ANK3: variants seen among roughly 807,000 people sequenced by gnomAD.
ANK3 encodes the protein ankyrin 3.
A neutral mutation model predicts 370.9 loss-of-function variants in ANK3; 57 were observed. The ratio of observed to expected loss-of-function variants is 0.15; its 90% confidence interval spans 0.12 to 0.19. The LOEUF (loss-of-function observed/expected upper bound fraction) is 0.19, where lower values mean the gene tolerates loss of function less well. ANK3 is among the 10% of genes least tolerant of loss of function. The pLI, the probability that ANK3 is intolerant of heterozygous loss-of-function variation, is 1.00. For missense variants in ANK3, 4,439 were observed against 5,302.1 expected, an observed-to-expected ratio of 0.84 and a Z score of 5.06; for synonymous variants, 1,929 against 1,946.3, an observed-to-expected ratio of 0.99 and a Z score of 0.23.
rs1379194288 is a variant in ANK3, at chr10:60,614,609, AG to A, written c.96+576del. 2.0e-5 allele frequency among the ~76,000 whole-genome samples: 3 copies of A among 152,208 alleles called. No homozygotes were observed. In the East Asian group the frequency reaches 5.8e-4, roughly 29 times the overall value. ...TTGAAGCATTTACACGTCACTATATAGGGGAAAGGTAGCCTGCATAGCCCAC... is the reference window on the plus strand; with the variant it reads ...TTGAAGCATTTACACGTCACTATATAGGGAAAGGTAGCCTGCATAGCCCAC... On this transcript the variant is annotated intron_variant, in intron 2 of 43. Coordinates refer to the ANK3 transcript ENST00000373827.
At chr10:60,183,065 T>G (rs1370028004) in intron 17 of ANK3, among the ~76,000 whole-genome samples, 1 of 152,234 alleles carries the variant, frequency 6.6e-6, no homozygotes, top group Non-Finnish European at 1.5e-5. Flanking sequence ...GGGCACATGT[T>G]GTCCCCTCAT....
intron 6 of ANK3, among the ~76,000 whole-genome samples, chr10:60,262,381 G>A (rs764323976): frequency 5.9e-5 from 9 of 152,160 alleles, no homozygotes; most frequent in Non-Finnish European, 1.2e-4. Context: ...AACAGTAAAT[G>A]CCAATTTTCA....
At chr10:60,354,871 G>GT (rs755619341) in intron 1 of ANK3, among the ~76,000 whole-genome samples, 15 of 151,998 alleles carry the variant, frequency 9.9e-5, no homozygotes, top group Non-Finnish European at 1.6e-4. Flanking sequence ...ATTTTCTTTT[G>GT]TATTTTTTGA....
intron 28 of ANK3, among the ~76,000 whole-genome samples, chr10:60,098,776 A>G (rs973308839): frequency 4.6e-5 from 7 of 152,158 alleles, no homozygotes; most frequent in African/African-American, 1.2e-4. Flanking sequence ...TTCTTATCCA[A>G]TTCTGTCATC....
intron 25 of ANK3, among the ~76,000 whole-genome samples, chr10:60,125,671 G>C (rs751541075): frequency 3.9e-5 from 6 of 152,132 alleles, no homozygotes; most frequent in Non-Finnish European, 7.4e-5. Flanking sequence ...ATCTGCCGAC[G>C]GGTGTGGGAG....
At chr10:60,545,882 T>A (rs7072878) in intron 2 of ANK3, among the ~76,000 whole-genome samples, 1 of 152,002 alleles carries the variant, frequency 6.6e-6, no homozygotes, top group Non-Finnish European at 1.5e-5. Context: ...AAGATAATGA[T>A]ATAATGAGTT....
At chr10:60,226,763 TA>T (rs2097170863) in intron 8 of ANK3, among the ~76,000 whole-genome samples, 1 of 145,640 alleles carries the variant, frequency 6.9e-6, no homozygotes, top group African/African-American at 2.5e-5. Flanking sequence ...ATATTAATAT[TA>T]CATATATACT....
At chr10:60,153,626 A>G (rs1318754029) in intron 23 of ANK3, among the ~76,000 whole-genome samples, 1 of 152,208 alleles carries the variant, frequency 6.6e-6, no homozygotes, top group Non-Finnish European at 1.5e-5. Context: ...ACATAGCTGG[A>G]TAAGTGGATA....
chr10:60,670,146 T>C (rs1454298349), intron 1 of ANK3, among the ~76,000 whole-genome samples: 2 of 152,050 alleles, frequency 1.3e-5, no homozygotes, highest in Non-Finnish European at 2.9e-5. Flanking sequence ...AAATATCCCA[T>C]GGCTGCAAAT....
intron 1 of ANK3, among the ~76,000 whole-genome samples, chr10:60,355,864 C>T (rs2057654215): frequency 8.4e-6 from 1 of 119,458 alleles, no homozygotes; most frequent in South Asian, 3.2e-4. Context: ...TTTCTTCCTT[C>T]CTTCATTTAT....
Position 60,408,560 on chromosome 10 carries a change from T to G in ANK3, c.97-128921A>C, listed in dbSNP as rs565726456. On this transcript the variant is annotated intron_variant, in intron 2 of 43. Coordinates refer to the ANK3 transcript ENST00000373827. Reference sequence around the variant, plus strand: ...AACAATGGGCCAATTAAACCTCTTTTCTTATAAATGACCCAGTCTCAGGCA... The same window carrying G: ...AACAATGGGCCAATTAAACCTCTTTGCTTATAAATGACCCAGTCTCAGGCA... Among the ~76,000 whole-genome samples, 20 of 152,288 alleles carry G rather than the reference T, an allele frequency of 1.3e-4. No homozygotes were observed. In the South Asian group the frequency reaches 4.1e-3, roughly 32 times the overall value.
chr10:60,291,379 T>G (rs1016653995), intron 1 of ANK3, among the ~76,000 whole-genome samples: 21 of 152,142 alleles, frequency 1.4e-4, no homozygotes, highest in Admixed American at 5.2e-4. Context: ...GCCAACTATT[T>G]TGACTTCAAA....
At chr10:60,452,916 C>T (rs1465826205) in intron 2 of ANK3, among the ~76,000 whole-genome samples, 1 of 152,188 alleles carries the variant, frequency 6.6e-6, no homozygotes, top group Non-Finnish European at 1.5e-5. Context: ...CACCTGGACA[C>T]CAATCATCCC....
intron 2 of ANK3, among the ~76,000 whole-genome samples, chr10:60,450,704 A>G (rs2064577408): frequency 6.6e-6 from 1 of 152,236 alleles, no homozygotes; most frequent in Non-Finnish European, 1.5e-5. Flanking sequence ...AAGATGGCTT[A>G]GGATCACATC....
chr10:60,237,729 C>A (rs1455739301), intron 7 of ANK3, among the ~76,000 whole-genome samples: 4 of 152,066 alleles, frequency 2.6e-5, no homozygotes, highest in Non-Finnish European at 5.9e-5. Context: ...CTAATTCTCA[C>A]ATTTTCTCCA....
chr10:60,619,011 T>C (rs898215655), intron 1 of ANK3, among the ~76,000 whole-genome samples: 6 of 152,118 alleles, frequency 3.9e-5, no homozygotes, highest in Admixed American at 1.3e-4. Context: ...TAGTGGTTCC[T>C]AGAATAAAAT....
intron 2 of ANK3, among the ~76,000 whole-genome samples, chr10:60,489,530 T>C (rs971155468): frequency 6.6e-6 from 1 of 152,124 alleles, no homozygotes; most frequent in African/African-American, 2.4e-5. Context: ...AAAGCCACAG[T>C]TAACATTTAG....
intron 22 of ANK3, 56 bp downstream of exon 22, chr10:60,166,768 C>T (rs1313269282): frequency 3.1e-6 from 5 of 1,598,042 alleles, no homozygotes; most frequent in African/African-American, 2.7e-5. Flanking sequence ...CTTCAGGAAA[C>T]AAACAAAATA....
chr10:60,045,712 AGTG>A (rs1482477473), intron 42 of ANK3, among the ~76,000 whole-genome samples: 2 of 152,212 alleles, frequency 1.3e-5, no homozygotes, highest in Non-Finnish European at 2.9e-5. Context: ...TTCCTGGAAA[AGTG>A]AGATTCTAAC....
Sources: allele counts gnomAD v4.1 joint callset (sites outside exome capture counted in the v4.1 genomes callset), GRCh38; gene constraint gnomAD v4.1.1; transcripts MANE v1.5; gene names NCBI Gene and HGNC (gene_info 2026-07-23, HGNC 2026-07-21).